Variants in GAD1 observed in about 807,000 individuals in gnomAD.
GAD1 encodes 67 kDa glutamic acid decarboxylase.
GAD1 carries 35 observed loss-of-function variants against 75.2 expected under a neutral mutation model. The observed-to-expected ratio is 0.47, with a 90% CI of 0.36 to 0.62. The LOEUF is 0.62. Ranked by LOEUF, GAD1 falls within the 20% of genes least tolerant of loss-of-function variation. The pLI, the probability that GAD1 is intolerant of heterozygous loss-of-function variation, is 0.00. For synonymous variants in GAD1, 257 were observed against 271.9 expected (o/e 0.95, Z 0.54); for missense variants, 490 against 758.5 (o/e 0.65, Z 4.16).
rs1303501239 is a variant in GAD1 at position 170,818,729 on chromosome 2, G to A, written c.82+56G>A. 3 of 1,541,448 alleles carry A rather than the reference G, an allele frequency of 1.9e-6. No homozygotes were observed. Among genetic ancestry groups the A allele is most frequent in the Non-Finnish European group, 2.7e-6 (3 of 1,113,842 alleles). The stretch of plus-strand genomic sequence containing the variant: ...AACTGCAGGGAAGATGGGGGCGCTG[G>A]GACGTCGGGAGGCTGAGCTGGCGGA... On this transcript the variant is annotated intron_variant, in intron 2 of 16. Coordinates refer to ENST00000358196, the MANE Select transcript of GAD1 (RefSeq NM_000817.3). This position sits in a 1 kb window ranked among gnomAD's most constrained non-coding sequence, Gnocchi z 5.9.
In GAD1 at chr2:170,831,005, G is replaced by A. The variant is rs763182381; in HGVS notation, c.360G>A (p.Val120=). ...EEQTVQFLLE[V]VDILLNYVRK... ...AAACCGTGCAATTCCTCCTGGAAGT[G>A]GTGGACATACTCCTCAACTATGTCC... The change falls in exon 5 of 17, where the codon GTG becomes GTA. Residue 120 remains valine (V), a synonymous_variant. Coordinates refer to ENST00000358196, the MANE Select transcript of GAD1 (RefSeq NM_000817.3). 3.1e-6 allele frequency: 5 copies of A among 1,614,160 alleles called. No homozygotes were observed. In the Admixed American group the frequency reaches 5.0e-5, roughly 16 times the overall value.
chr2:170,857,141 G>A lies in GAD1; in HGVS notation c.1521+16G>A, dbSNP rs754741195. The stretch of plus-strand genomic sequence containing the variant: ...CAATGGCGAGGTAGGTAATCATCAT[G>A]GACCAGGTACACAGTATTTCCAGAA... On this transcript the variant is annotated intron_variant, in intron 15 of 16. Transcript: ENST00000358196. 66 of 1,585,014 alleles carry A rather than the reference G, an allele frequency of 4.2e-5. No homozygotes were observed. Among genetic ancestry groups the A allele is most frequent in the Non-Finnish European group, 5.5e-5 (64 of 1,153,888 alleles).
intron 12 of GAD1, among the ~76,000 whole-genome samples, chr2:170,851,159 C>T (rs1238914552): frequency 6.6e-6 from 1 of 152,148 alleles, no homozygotes; most frequent in Non-Finnish European, 1.5e-5. Context: ...CATTTTAAAT[C>T]ACATAAGTCT....
chr2:170,829,213 C>A, intron 3 of GAD1: 1 of 511,752 alleles, frequency 2.0e-6, no homozygotes, highest in Non-Finnish European at 3.5e-6. Flanking sequence ...AGTTCACTGT[C>A]ACATTCAGAG....
In GAD1 at chr2:170,827,544, C is replaced by T. The variant is rs550966216; in HGVS notation, c.146-1931C>T. Among the ~76,000 whole-genome samples, 9 of 152,296 alleles carry T rather than the reference C, an allele frequency of 5.9e-5. 1 individual carries two copies. The South Asian group carries it at 1.9e-3, about 32-fold the overall frequency. ...GGTTCTCCTGCCCTTTTGGCTTAAC[C>T]CTCTTTCCCCGTTTGCTGCCGGAGT... On this transcript the variant is annotated intron_variant, in intron 3 of 16. Transcript: ENST00000358196.
Position 170,824,205 on chromosome 2 carries a change from C to T in GAD1, c.145+2056C>T, listed in dbSNP as rs3791865. 0.021 allele frequency among the ~76,000 whole-genome samples: 3,257 copies of T among 152,276 alleles called. 238 individuals are homozygous for T. The East Asian group carries it at 0.27, about 13-fold the overall frequency. The stretch of plus-strand genomic sequence containing the variant: ...GAAATTGCCTTGGGCTAAAATGCCC[C>T]GCTTTTGGGGCCACAGGTTAGGAGG... On this transcript the variant is annotated intron_variant, in intron 3 of 16. Coordinates refer to ENST00000358196, the MANE Select transcript of GAD1 (RefSeq NM_000817.3).
chr2:170,854,741 A>G (rs1702815989), intron 14 of GAD1, among the ~76,000 whole-genome samples: 1 of 152,206 alleles, frequency 6.6e-6, no homozygotes. Flanking sequence ...AACATGGGCT[A>G]TGTATGACAG....
chr2:170,839,032 G>A (rs1256962452), intron 6 of GAD1, among the ~76,000 whole-genome samples: 1 of 152,334 alleles, frequency 6.6e-6, no homozygotes, highest in Non-Finnish European at 1.5e-5. Flanking sequence ...CATGAAATGT[G>A]GCAGCACTGT....
chr2:170,855,973 T>A (rs539011538), intron 14 of GAD1, among the ~76,000 whole-genome samples: 1 of 152,092 alleles, frequency 6.6e-6, no homozygotes, highest in East Asian at 1.9e-4. Flanking sequence ...CAGTAATTTG[T>A]GTCTTCTTTT....
Position 170,819,228 on chromosome 2 carries a change from C to G in GAD1, c.82+555C>G, listed in dbSNP as rs750136738. 2.0e-4 allele frequency among the ~76,000 whole-genome samples: 30 copies of G among 151,954 alleles called. No homozygotes were observed. In the South Asian group the frequency reaches 4.2e-3, roughly 21 times the overall value. On this transcript the variant is annotated intron_variant, in intron 2 of 16. Transcript: ENST00000358196. The stretch of plus-strand genomic sequence containing the variant: ...TGACGAGTTAGGGAGAAGTCAGGGG[C>G]GGGAAAGGTGCATAAAACTGAGACT...
At chr2:170,856,982 A>G in intron 14 of GAD1, 36 bp from the exon 15 acceptor site, 1 of 1,549,656 alleles carries the variant, frequency 6.5e-7, no homozygotes, top group Non-Finnish European at 8.9e-7. Flanking sequence ...TCACAGGGAA[A>G]TGCAACCACA....
chr2:170,835,147 C>T (rs986582854), intron 5 of GAD1, among the ~76,000 whole-genome samples: 1 of 152,102 alleles, frequency 6.6e-6, no homozygotes, highest in African/African-American at 2.4e-5. Flanking sequence ...AAATTTATAG[C>T]TCCTTAATGA....
rs778100764 is a variant in GAD1 at position 170,852,756 on chromosome 2, G to A, written c.1227G>A (p.Val409=). ...VTWNPHKMMG[V]LLQCSAILVK... ...GGAACCCTCACAAGATGATGGGCGT[G>A]CTGTTGCAGTGCTCTGCCATTCTCG... The change falls in exon 13 of 17, where the codon GTG becomes GTA. Residue 409 remains valine, a synonymous_variant. Coordinates refer to ENST00000358196, the MANE Select transcript of GAD1 (RefSeq NM_000817.3). 23 of 1,614,090 alleles carry A rather than the reference G, an allele frequency of 1.4e-5. No homozygotes were observed. Among genetic ancestry groups the A allele is most frequent in the Non-Finnish European group, 5.1e-6 (6 of 1,180,048 alleles).
chr2:170,841,986 TGAATA>T (rs1702528254), intron 6 of GAD1, among the ~76,000 whole-genome samples: 1 of 152,192 alleles, frequency 6.6e-6, no homozygotes, highest in South Asian at 2.1e-4. Flanking sequence ...AAGTATTTGT[TGAATA>T]GAACTGAAAG....
chr2:170,818,293 C>T lies in GAD1; in HGVS notation c.-63-236C>T, dbSNP rs1701766071. On this transcript the variant is annotated intron_variant, in intron 1 of 16. Transcript: ENST00000358196. This position sits in a 1 kb window ranked among gnomAD's most constrained non-coding sequence, Gnocchi z 5.9. ...CAGGTCGCGCCGATGCACCGCCAGACTCGAGAGCGGCCCAGGGCTACGCTC... is the reference window on the plus strand; with the variant it reads ...CAGGTCGCGCCGATGCACCGCCAGATTCGAGAGCGGCCCAGGGCTACGCTC... 2.5e-6 allele frequency: 1 copy of T among 393,604 alleles called. No individual in the cohort carries two copies. The highest frequency in any genetic ancestry group is 4.7e-6 in the Non-Finnish European group (1 of 211,454). The allele number at this position is 393,604 out of a possible 1,614,324, so 24.4% of individuals were successfully genotyped here.
intron 11 of GAD1, among the ~76,000 whole-genome samples, chr2:170,848,193 C>T (rs1390181990): frequency 6.6e-6 from 1 of 152,162 alleles, no homozygotes; most frequent in Non-Finnish European, 1.5e-5. Flanking sequence ...GTCTATGACA[C>T]GTCTCTTAAA....
chr2:170,848,563 CG>C (rs1482591965), intron 11 of GAD1: 1 of 401,328 alleles, frequency 2.5e-6, no homozygotes, highest in African/African-American at 2.1e-5. Flanking sequence ...AGGCAGTATA[CG>C]GAAGGCATTA....
rs753558119 is a variant in GAD1, at chr2:170,859,797, G to C, written c.1700G>C (p.Arg567Pro). Residue 567 changes from arginine (R) to proline (P), a missense_variant, in exon 17 of 17, where the codon CGG (arginine) becomes CCG (proline). Arg to Pro is a moderately radical substitution (Grantham distance 103). Coordinates refer to ENST00000358196, the MANE Select transcript of GAD1 (RefSeq NM_000817.3). ...QPQGDKANFF[R>P]MVISNPAATQ... ...CAAGGGGACAAGGCCAACTTCTTCC[G>C]GATGGTCATCTCCAACCCAGCCGCT... is the stretch of plus-strand genomic sequence containing the variant. 2 of 1,613,986 alleles carry C rather than the reference G, an allele frequency of 1.2e-6. No homozygotes were observed. Among genetic ancestry groups the C allele is most frequent in the Non-Finnish European group, 1.7e-6 (2 of 1,180,008 alleles).
intron 3 of GAD1, among the ~76,000 whole-genome samples, chr2:170,827,990 G>A (rs113488433): frequency 0.021 from 3,159 of 152,128 alleles, 107 homozygotes; most frequent in African/African-American, 0.072. Flanking sequence ...GGTGCTGGAG[G>A]AAAGTGTCTG....
Sources: allele counts gnomAD v4.1 joint callset (sites outside exome capture counted in the v4.1 genomes callset), GRCh38; gene constraint gnomAD v4.1.1; non-coding constraint Gnocchi (gnomAD v3.1); transcripts MANE v1.5; gene names NCBI Gene and HGNC (gene_info 2026-07-23, HGNC 2026-07-21).